MAP2K5: variants seen among roughly 807,000 people sequenced by gnomAD.
MAP2K5 encodes dual specificity mitogen-activated protein kinase kinase 5.
MAP2K5 carries 49 observed loss-of-function variants against 83.1 expected under a neutral mutation model. The ratio of observed to expected loss-of-function variants is 0.59; its 90% confidence interval spans 0.47 to 0.75. The LOEUF is 0.75. MAP2K5 is among the 30% of genes least tolerant of loss of function. The pLI, the probability that MAP2K5 is intolerant of heterozygous loss-of-function variation, is 0.00. For synonymous variants in MAP2K5, 202 were observed against 191.8 expected (o/e 1.05, Z -0.44); for missense variants, 457 against 557.5 (o/e 0.82, Z 1.82).
At chr15:67,759,567 A>AAG (rs1555404296) in intron 19 of MAP2K5, among the ~76,000 whole-genome samples, 2 of 151,536 alleles carry the variant, frequency 1.3e-5, no homozygotes, top group Non-Finnish European at 2.9e-5. Flanking sequence ...CTCAAAAAAA[A>AAG]AAAAGAAAAG....
At chr15:67,549,178 G>A (rs779007323) in intron 1 of MAP2K5, 2 of 1,535,664 alleles carry the variant, frequency 1.3e-6, no homozygotes, top group South Asian at 2.4e-5. Flanking sequence ...AGTTGGACTG[G>A]ACATGATGGA....
chr15:67,707,955 G>A (rs547527127), intron 16 of MAP2K5, among the ~76,000 whole-genome samples: 3 of 151,896 alleles, frequency 2.0e-5, no homozygotes, highest in African/African-American at 7.2e-5. Flanking sequence ...GGGTACCTGT[G>A]GTAAAGAAAA....
Position 67,673,576 on chromosome 15 carries a change from A to C in MAP2K5, c.847+8931A>C, listed in dbSNP as rs542685615. Among the ~76,000 whole-genome samples, 4 of 152,298 alleles carry C rather than the reference A, an allele frequency of 2.6e-5. No homozygotes were observed. The South Asian group carries it at 8.3e-4, about 32-fold the overall frequency. On this transcript the variant is annotated intron_variant, in intron 13 of 21. Transcript: ENST00000178640. ...GTTAAAATAGTATGTTAGTGTGTGT[A>C]AAAGTTGGGATTTGGGGCAAAAATA...
rs2086979687 is a variant in MAP2K5, at chr15:67,652,610, A to C, written c.737-5943A>C. 6.6e-6 allele frequency among the ~76,000 whole-genome samples: 1 copy of C among 152,192 alleles called. No homozygotes were observed. The highest frequency in any genetic ancestry group is 2.1e-4 in the South Asian group (1 of 4,830). ...ACGAGGCCCCATCTTCAACATTGGG[A>C]GTGAGATTTCAACATGAGTTTTGAA... On this transcript the variant is annotated intron_variant, in intron 11 of 21. Transcript: ENST00000178640. The surrounding 1 kb of genome is among the most constrained non-coding windows in gnomAD (Gnocchi z 4.2).
At chr15:67,588,905 T>C (rs1334840737) in intron 6 of MAP2K5, among the ~76,000 whole-genome samples, 1 of 152,238 alleles carries the variant, frequency 6.6e-6, no homozygotes, top group Admixed American at 6.5e-5. Flanking sequence ...AGCCTTGACC[T>C]CCTGGGCTCA....
At chr15:67,613,173 T>G (rs1320522883) in intron 8 of MAP2K5, among the ~76,000 whole-genome samples, 1 of 149,310 alleles carries the variant, frequency 6.7e-6, no homozygotes, top group African/African-American at 2.6e-5. Flanking sequence ...TGGATGATTC[T>G]TAAATTAAAG....
intron 8 of MAP2K5, among the ~76,000 whole-genome samples, chr15:67,608,928 T>C (rs1479264240): frequency 6.6e-6 from 1 of 152,170 alleles, no homozygotes; most frequent in African/African-American, 2.4e-5. Context: ...CCTTACCTAC[T>C]GTAGGCACTT....
chr15:67,724,321 C>G lies in MAP2K5; in HGVS notation c.1045-3595C>G, dbSNP rs1051403159. Reference sequence around the variant, plus strand: ...AATATTCACTTGGAGCATATGTGCTCCTTCTTCCCCATAAGGGTCCCATGT... The same window carrying G: ...AATATTCACTTGGAGCATATGTGCTGCTTCTTCCCCATAAGGGTCCCATGT... On this transcript the variant is annotated intron_variant, in intron 16 of 21. Transcript: ENST00000178640. This position sits in a 1 kb window ranked among gnomAD's most constrained non-coding sequence, Gnocchi z 4.4. Among the ~76,000 whole-genome samples, 1 of 152,160 alleles carries G rather than the reference C, an allele frequency of 6.6e-6. No individual in the cohort carries two copies. Among genetic ancestry groups the G allele is most frequent in the Non-Finnish European group, 1.5e-5 (1 of 68,034 alleles).
intron 11 of MAP2K5, 103 bp from the exon 12 acceptor site, chr15:67,658,450 T>C: frequency 2.3e-6 from 2 of 863,080 alleles, no homozygotes. Flanking sequence ...ATGCATGCTG[T>C]AGGAAGTGTA....
At position 67,769,577 on chromosome 15, in the gene MAP2K5, G is replaced by T; in HGVS notation, c.1135-25G>T. 6.2e-7 allele frequency: 1 copy of T among 1,611,696 alleles called. No homozygotes were observed. Among genetic ancestry groups the T allele is most frequent in the Non-Finnish European group, 8.5e-7 (1 of 1,177,968 alleles). ...AGAGAAGGAACTGTTGTGACTTTTG[G>T]TGACATGTTTTTCCTCCATCACAGG... On this transcript the variant is annotated intron_variant, in intron 19 of 21. Coordinates refer to ENST00000178640, the MANE Select transcript of MAP2K5 (RefSeq NM_145160.3). The surrounding 1 kb of genome is among the most constrained non-coding windows in gnomAD (Gnocchi z 5.2).
At chr15:67,607,874 G>C (rs1390727279) in intron 8 of MAP2K5, among the ~76,000 whole-genome samples, 1 of 151,816 alleles carries the variant, frequency 6.6e-6, no homozygotes, top group Non-Finnish European at 1.5e-5. Flanking sequence ...CTAGTATATT[G>C]GTTTGGCCAA....
chr15:67,717,190 G>T lies in MAP2K5; in HGVS notation c.1045-10726G>T, dbSNP rs192951739. Among the ~76,000 whole-genome samples, 148 of 152,274 alleles carry T rather than the reference G, an allele frequency of 9.7e-4. 2 individuals carry two copies. The highest frequency in any genetic ancestry group is 2.6e-3 in the African/African-American group (107 of 41,550). On this transcript the variant is annotated intron_variant, in intron 16 of 21. Coordinates refer to ENST00000178640, the MANE Select transcript of MAP2K5 (RefSeq NM_145160.3). This position sits in a 1 kb window ranked among gnomAD's most constrained non-coding sequence, Gnocchi z 4.1. ...GTGACTCTGCTGGTCAGTTAAGACT[G>T]CTTTTCATAGGATTATACCTTACAC...
At position 67,775,918 on chromosome 15, in the gene MAP2K5, T is replaced by G. The variant is rs75741662; in HGVS notation, c.1242+3166T>G. 5.7e-3 allele frequency among the ~76,000 whole-genome samples: 875 copies of G among 152,244 alleles called. 8 individuals carry two copies. Among genetic ancestry groups the G allele is most frequent in the African/African-American group, 0.02 (845 of 41,538 alleles). ...GGTGGAGTTCAAACAGGCAACATATTCACCACCAGCTGGGCAATCTCTTAA... is the reference window on the plus strand; with the variant it reads ...GGTGGAGTTCAAACAGGCAACATATGCACCACCAGCTGGGCAATCTCTTAA... On this transcript the variant is annotated intron_variant, in intron 21 of 21. Coordinates refer to ENST00000178640, the MANE Select transcript of MAP2K5 (RefSeq NM_145160.3). This position sits in a 1 kb window ranked among gnomAD's most constrained non-coding sequence, Gnocchi z 5.3.
rs555006374 is a variant in MAP2K5 at position 67,595,627 on chromosome 15, T to C, written c.480+2653T>C. ...ATTTTTTCCATTAATTTCATTAATA[T>C]ATTAAATCAAGCACTTTAAAAAAAG... is the stretch of plus-strand genomic sequence containing the variant. On this transcript the variant is annotated intron_variant, in intron 7 of 21. Transcript: ENST00000178640. 4.4e-3 allele frequency among the ~76,000 whole-genome samples: 670 copies of C among 152,368 alleles called. 6 individuals carry two copies. The highest frequency in any genetic ancestry group is 0.015 in the African/African-American group (637 of 41,580).
chr15:67,554,667 G>GGT (rs532588474), intron 2 of MAP2K5, among the ~76,000 whole-genome samples: 1 of 152,144 alleles, frequency 6.6e-6, no homozygotes, highest in Admixed American at 6.5e-5. Context: ...CCTGCCTTCT[G>GGT]GTGTGTGTGT....
chr15:67,604,843 C>T (rs926340432), intron 8 of MAP2K5, among the ~76,000 whole-genome samples: 2 of 150,812 alleles, frequency 1.3e-5, no homozygotes, highest in African/African-American at 2.4e-5. Flanking sequence ...TGCAGTGAGC[C>T]GAGATTGTGG....
rs2084336211 is a variant in MAP2K5, at chr15:67,543,473, G to A, written c.135+3G>A. 1.2e-6 allele frequency: 2 copies of A among 1,614,052 alleles called. No individual in the cohort carries two copies. The highest frequency in any genetic ancestry group is 1.6e-4 in the Middle Eastern group (1 of 6,066). On this transcript the variant is annotated splice_donor_region_variant and intron_variant, in intron 1 of 21. Coordinates refer to ENST00000178640, the MANE Select transcript of MAP2K5 (RefSeq NM_145160.3). This position sits in a 1 kb window ranked among gnomAD's most constrained non-coding sequence, Gnocchi z 4.3. The stretch of plus-strand genomic sequence containing the variant: ...AGTTACTCTTCAGGGATGTGCTGGT[G>A]AGTGGTAATCTCAGTGTCCGGATGC...
intron 16 of MAP2K5, among the ~76,000 whole-genome samples, chr15:67,721,391 C>T (rs1326318043): frequency 2.0e-5 from 3 of 152,106 alleles, no homozygotes; most frequent in East Asian, 1.9e-4. Context: ...TATTGGCACC[C>T]GTTAAGGCGC....
chr15:67,601,431 A>G (rs529197181), intron 8 of MAP2K5, among the ~76,000 whole-genome samples: 8 of 152,204 alleles, frequency 5.3e-5, no homozygotes, highest in Non-Finnish European at 8.8e-5. Context: ...ATAGTCTGCA[A>G]TGGTGTATGA....
Sources: gnomAD v4.1 joint callset for allele counts (sites outside exome capture counted in the v4.1 genomes callset) on GRCh38, gnomAD v4.1.1 for gene constraint, Gnocchi (gnomAD v3.1) non-coding constraint, MANE v1.5 for transcripts, NCBI Gene and HGNC (gene_info 2026-07-23, HGNC 2026-07-21) for gene names.